The following PDXDC1 variants were observed in gnomAD, a reference collection of about 807,000 sequenced individuals.
PDXDC1 encodes the protein pyridoxal-dependent decarboxylase domain-containing protein 1.
A neutral mutation model predicts 100.1 loss-of-function variants in PDXDC1; 42 were observed. That is an observed-to-expected ratio of 0.42 (90% CI 0.33 to 0.54). PDXDC1 has a LOEUF of 0.54. PDXDC1 is among the 20% of genes least tolerant of loss of function. The probability of loss-of-function intolerance (pLI) is 0.10; values close to 1 mark genes in which losing one functional copy is unlikely to be tolerated. For missense variants in PDXDC1, 636 were observed against 979.2 expected, an observed-to-expected ratio of 0.65 and a Z score of 4.68; for synonymous variants, 260 against 371.7, an observed-to-expected ratio of 0.70 and a Z score of 3.46.
At chr16:15,147,635 T>C in the PDXDC1 span, among the ~76,000 whole-genome samples, 28 of 152,162 alleles carry the variant, frequency 1.8e-4, no homozygotes, top group African/African-American at 5.8e-4. Context: ...CAAGCGATTC[T>C]CCTGCCTCAG....
At chr16:15,103,494 T>C in intron 16 of PDXDC1, 1 of 591,422 alleles carries the variant, frequency 1.7e-6, no homozygotes, top group Non-Finnish European at 3.0e-6. Flanking sequence ...ATATCTAATG[T>C]AAGTGATATT....
chr16:15,082,165 C>T (rs2045734140), intron 16 of PDXDC1, among the ~76,000 whole-genome samples: 1 of 152,114 alleles, frequency 6.6e-6, no homozygotes, highest in Admixed American at 6.5e-5. Flanking sequence ...TGTTCTTTGT[C>T]TTAGGAAAAA....
At chr16:15,125,557 G>A (rs557956269) in intron 16 of PDXDC1, 30 of 1,566,046 alleles carry the variant, frequency 1.9e-5, no homozygotes, top group South Asian at 5.6e-5. Context: ...CCACCTCTTA[G>A]AATCATCCAG....
chr16:15,008,044 A>G (rs1487841198), intron 6 of PDXDC1, among the ~76,000 whole-genome samples: 2 of 152,284 alleles, frequency 1.3e-5, no homozygotes, highest in East Asian at 1.9e-4. Context: ...GTAGGGGGCT[A>G]GGCATTTTCA....
intron 16 of PDXDC1, among the ~76,000 whole-genome samples, chr16:15,064,935 G>A (rs1329878255): frequency 1.3e-5 from 2 of 152,208 alleles, no homozygotes; most frequent in African/African-American, 4.8e-5. Context: ...GGGAGGCCGA[G>A]GCGGGCGGAT....
chr16:15,013,107 T>C (rs1401710603), intron 8 of PDXDC1, among the ~76,000 whole-genome samples: 3 of 152,196 alleles, frequency 2.0e-5, no homozygotes, highest in Non-Finnish European at 4.4e-5. Context: ...GAGGCAGAGG[T>C]TGCAGTGAGG....
At position 15,038,099 on chromosome 16, in the gene PDXDC1, T is replaced by C. The variant is rs1264017091; in HGVS notation, c.*1824T>C. ...TTTTTTTTGTAGAGTAGGGCTTTAT[T>C]TCCAGAAAACAGTGTGTGAGCTGGA... On this transcript the variant is annotated 3_prime_UTR_variant, in exon 23 of 23. Transcript: ENST00000396410. The C allele has an allele frequency of 6.2e-7, 1 of 1,612,476 alleles. No homozygotes were observed. The highest frequency in any genetic ancestry group is 1.1e-5 in the South Asian group (1 of 91,036).
At position 15,000,948 on chromosome 16, in the gene PDXDC1, CTT is replaced by C. The variant is rs574536991; in HGVS notation, c.162-827_162-826del. On this transcript the variant is annotated intron_variant, in intron 3 of 22. Coordinates refer to ENST00000396410, the MANE Select transcript of PDXDC1 (RefSeq NM_015027.4). ...TATATAATGTATAGTATATAATACA[CTT>C]ATATATTATAAGTACATATTATAAG... Among the ~76,000 whole-genome samples, 173 of 149,450 alleles carry C rather than the reference CTT, an allele frequency of 1.2e-3. 1 individual carries two copies. Among genetic ancestry groups the C allele is most frequent in the South Asian group, 1.0e-3 (5 of 4,778 alleles).
chr16:15,015,284 TC>T (rs1452530733), intron 8 of PDXDC1, among the ~76,000 whole-genome samples: 1 of 152,258 alleles, frequency 6.6e-6, no homozygotes, highest in African/African-American at 2.4e-5. Flanking sequence ...ATCAAAATAA[TC>T]CAGGAAGTGA....
At chr16:15,089,969 G>A (rs568185888) in intron 16 of PDXDC1, among the ~76,000 whole-genome samples, 1 of 151,924 alleles carries the variant, frequency 6.6e-6, no homozygotes, top group African/African-American at 2.4e-5. Context: ...AGCACTTTGG[G>A]AGGCCAAGGC....
chr16:15,050,022 T>C (rs779389818), intron 16 of PDXDC1, among the ~76,000 whole-genome samples: 2 of 152,206 alleles, frequency 1.3e-5, no homozygotes, highest in Non-Finnish European at 2.9e-5. Context: ...ACATGAGTGA[T>C]TTCCTGTTGC....
intron 16 of PDXDC1, among the ~76,000 whole-genome samples, chr16:15,102,352 G>T (rs1281414809): frequency 2.6e-5 from 4 of 152,116 alleles, no homozygotes; most frequent in Non-Finnish European, 4.4e-5. Context: ...TTACGAGAGG[G>T]TGTAGCCTGG....
chr16:15,084,461 G>T (rs1438364931), intron 16 of PDXDC1, among the ~76,000 whole-genome samples: 1 of 151,998 alleles, frequency 6.6e-6, no homozygotes, highest in African/African-American at 2.4e-5. Flanking sequence ...AACAATTAAA[G>T]AGAATAAATA....
the PDXDC1 span, among the ~76,000 whole-genome samples, chr16:15,151,823 C>T: frequency 7.7e-6 from 1 of 129,108 alleles, no homozygotes; most frequent in Non-Finnish European, 1.8e-5. Flanking sequence ...CCCAGCTACT[C>T]GGGAGGCTGA....
chr16:15,096,538 A>C (rs1160304965), intron 16 of PDXDC1, among the ~76,000 whole-genome samples: 1 of 152,254 alleles, frequency 6.6e-6, no homozygotes. Flanking sequence ...TCTGTGTCTC[A>C]AGGACAGAGG....
At chr16:15,121,841 T>G (rs113660226) in intron 16 of PDXDC1, 7 of 204,002 alleles carry the variant, frequency 3.4e-5, no homozygotes, top group Non-Finnish European at 6.9e-5. Context: ...TTAGTAAACT[T>G]ACACTTAAGG....
intron 14 of PDXDC1, among the ~76,000 whole-genome samples, chr16:15,028,063 G>C (rs1480761872): frequency 5.9e-5 from 9 of 152,362 alleles, no homozygotes; most frequent in African/African-American, 2.2e-4. Flanking sequence ...TTACCATTTC[G>C]GTCGAACAAA....
At chr16:15,072,838 C>G in intron 16 of PDXDC1, 1 of 1,094,980 alleles carries the variant, frequency 9.1e-7, no homozygotes, top group Non-Finnish European at 1.3e-6. Flanking sequence ...AGCAAGTAAG[C>G]TCAAAGAAAA....
chr16:15,105,014 C>T (rs1401586375), intron 16 of PDXDC1, among the ~76,000 whole-genome samples: 12 of 149,488 alleles, frequency 8.0e-5, no homozygotes, highest in Admixed American at 8.0e-4. Context: ...TGTAGGCAGG[C>T]TGGGGTCCTG....
Sources: gnomAD v4.1 joint callset for allele counts (sites outside exome capture counted in the v4.1 genomes callset) on GRCh38, gnomAD v4.1.1 for gene constraint, MANE v1.5 for transcripts, NCBI Gene and HGNC (gene_info 2026-07-23, HGNC 2026-07-21) for gene names.